Variants in VPS41 observed in about 807,000 individuals in gnomAD.
The protein encoded by VPS41 is VPS41 subunit of HOPS complex, also known as vacuolar protein sorting-associated protein 41 homolog.
VPS41 carries 85 observed loss-of-function variants against 130.9 expected under a neutral mutation model. The ratio of observed to expected loss-of-function variants is 0.65; its 90% CI spans 0.55 to 0.78. The LOEUF is 0.78. VPS41 is among the 30% of genes least tolerant of loss of function. The pLI, the probability that VPS41 is intolerant of heterozygous loss-of-function variation, is 0.00. For synonymous variants in VPS41, 335 were observed against 332.9 expected, an observed-to-expected ratio of 1.01 and a Z score of -0.07; for missense variants, 874 against 1,018.7, an observed-to-expected ratio of 0.86 and a Z score of 1.93.
intron 1 of VPS41, among the ~76,000 whole-genome samples, chr7:38,903,242 C>T (rs1471651573): frequency 1.3e-5 from 2 of 152,196 alleles, no homozygotes; most frequent in Admixed American, 6.5e-5. Flanking sequence ...CAGCCCCCAT[C>T]CCTAATCCTC....
At chr7:38,756,111 G>T (rs1783787118) in intron 19 of VPS41, among the ~76,000 whole-genome samples, 1 of 152,026 alleles carries the variant, frequency 6.6e-6, no homozygotes. Flanking sequence ...AGCCTTTAGG[G>T]TTCTACTTTT....
intron 7 of VPS41, among the ~76,000 whole-genome samples, chr7:38,799,171 C>G (rs1184708174): frequency 2.6e-5 from 4 of 152,118 alleles, no homozygotes. Flanking sequence ...TAAAAGAATA[C>G]AAATTATCCA....
chr7:38,893,579 AATAAACAGTACACTGC>A (rs1404851921), intron 2 of VPS41, among the ~76,000 whole-genome samples: 2 of 152,234 alleles, frequency 1.3e-5, no homozygotes, highest in African/African-American at 2.4e-5. Flanking sequence ...ATCAAGGTGA[AATAAACAGTACACTGC>A]ATATTTTTCA....
intron 4 of VPS41, among the ~76,000 whole-genome samples, chr7:38,842,906 G>C (rs1785638033): frequency 1.3e-5 from 2 of 152,252 alleles, no homozygotes. Flanking sequence ...TTAATTGTGA[G>C]CCCATGAGAG....
At chr7:38,868,095 T>C (rs6943746) in intron 3 of VPS41, among the ~76,000 whole-genome samples, 1 of 151,920 alleles carries the variant, frequency 6.6e-6, no homozygotes, top group Non-Finnish European at 1.5e-5. Flanking sequence ...GCTGACACCA[T>C]CCAAAGTGTG....
chr7:38,741,884 T>G, intron 25 of VPS41, 101 bp downstream of exon 25: 5 of 1,366,682 alleles, frequency 3.7e-6, no homozygotes, highest in Non-Finnish European at 5.0e-6. Context: ...AACCATAAAA[T>G]CGAAAGTTTT....
intron 25 of VPS41, among the ~76,000 whole-genome samples, chr7:38,730,305 C>T (rs1186598889): frequency 6.6e-6 from 1 of 152,158 alleles, no homozygotes; most frequent in Non-Finnish European, 1.5e-5. Context: ...CAACTGCAGC[C>T]CTCTATCCTC....
chr7:38,856,303 C>G (rs1048225979), intron 4 of VPS41, among the ~76,000 whole-genome samples: 1 of 152,008 alleles, frequency 6.6e-6, no homozygotes, highest in Non-Finnish European at 1.5e-5. Flanking sequence ...CCATGCCTGG[C>G]CCTCATCTAA....
intron 4 of VPS41, among the ~76,000 whole-genome samples, chr7:38,857,054 T>C (rs1296492375): frequency 6.6e-6 from 1 of 152,172 alleles, no homozygotes; most frequent in Non-Finnish European, 1.5e-5. Context: ...AATGGTTAGA[T>C]GGACAGAGGT....
chr7:38,893,235 G>A (rs1786905057), intron 2 of VPS41, among the ~76,000 whole-genome samples: 1 of 152,168 alleles, frequency 6.6e-6, no homozygotes, highest in Non-Finnish European at 1.5e-5. Flanking sequence ...CCTCATGGGT[G>A]GCTAAACATA....
rs758594090 is a variant in VPS41 at position 38,743,539 on chromosome 7, C to T, written c.1985G>A (p.Arg662Gln). 2.0e-5 allele frequency: 32 copies of T among 1,613,468 alleles called. No homozygotes were observed. The highest frequency in any genetic ancestry group is 1.5e-4 in the Admixed American group (9 of 59,984). ...FVEETVYLLS[R>Q]MGNSRSALKM... is the part of the protein sequence containing the mutation. ...CAGGGCACTTCGGCTATTACCCATT[C>T]GGCCTTGGTGGGGTGAAGATGGGAG... The change falls in exon 24 of 29, where the codon CGA (arginine) becomes CAA (glutamine). Residue 662 changes from arginine to glutamine, a missense_variant. By Grantham distance (43) the Arg-to-Gln change is conservative. Coordinates refer to ENST00000310301, the MANE Select transcript of VPS41 (RefSeq NM_014396.4).
intron 14 of VPS41, among the ~76,000 whole-genome samples, 188 bp downstream of exon 14, chr7:38,771,010 G>A (rs868506309): frequency 2.5e-4 from 38 of 152,212 alleles, no homozygotes; most frequent in African/African-American, 8.7e-4. Context: ...CTCCTAGCAG[G>A]TGTTCAAGTC....
chr7:38,781,878 T>C (rs1282216441), intron 10 of VPS41, among the ~76,000 whole-genome samples: 1 of 152,248 alleles, frequency 6.6e-6, no homozygotes, highest in Non-Finnish European at 1.5e-5. Flanking sequence ...AACTGGAAAT[T>C]ACAGTTGTAA....
At chr7:38,893,769 T>C (rs556193706) in intron 2 of VPS41, among the ~76,000 whole-genome samples, 8 of 152,364 alleles carry the variant, frequency 5.3e-5, no homozygotes, top group African/African-American at 1.9e-4. Context: ...GCAAAATATA[T>C]TAAAATTCTT....
At chr7:38,850,617 G>C (rs1785833724) in intron 4 of VPS41, among the ~76,000 whole-genome samples, 1 of 152,108 alleles carries the variant, frequency 6.6e-6, no homozygotes, top group East Asian at 1.9e-4. Context: ...AGGAAGACTG[G>C]TAAGTATTAA....
At position 38,797,219 on chromosome 7, in the gene VPS41, T is replaced by C. The variant is rs376522058; in HGVS notation, c.451-355A>G. 1.1e-4 allele frequency among the ~76,000 whole-genome samples: 17 copies of C among 152,336 alleles called. No individual in the cohort carries two copies. The South Asian group carries it at 3.1e-3, about 28-fold the overall frequency. On this transcript the variant is annotated intron_variant, in intron 7 of 28. Transcript: ENST00000310301. Reference sequence around the variant, plus strand: ...TCCGGGAACTAATTTATTTTGTAAATTGGGAAATCAAAACCTCTTTTAAGT... The same window carrying C: ...TCCGGGAACTAATTTATTTTGTAAACTGGGAAATCAAAACCTCTTTTAAGT...
At chr7:38,760,200 G>A (rs578045067) in intron 17 of VPS41, among the ~76,000 whole-genome samples, 1 of 152,254 alleles carries the variant, frequency 6.6e-6, no homozygotes, top group East Asian at 1.9e-4. Flanking sequence ...TTTACTTACT[G>A]ATCCTTGACA....
At chr7:38,774,524 C>T (rs545959760) in intron 11 of VPS41, among the ~76,000 whole-genome samples, 1 of 151,682 alleles carries the variant, frequency 6.6e-6, no homozygotes, top group African/African-American at 2.4e-5. Flanking sequence ...GGAGAAATTA[C>T]AAATTGCTAA....
chr7:38,726,593 A>G lies in VPS41; in HGVS notation c.2485-267T>C, dbSNP rs1795549377. On this transcript the variant is annotated intron_variant, in intron 28 of 28. Coordinates refer to ENST00000310301, the MANE Select transcript of VPS41 (RefSeq NM_014396.4). The stretch of plus-strand genomic sequence containing the variant: ...AAAAATGATAGCATCATGGAACACA[A>G]ATCAGGCTGAGAAACACATAAGATA... Among the ~76,000 whole-genome samples, 3 of 152,174 alleles carry G rather than the reference A, an allele frequency of 2.0e-5. No homozygotes were observed. In the South Asian group the frequency reaches 6.2e-4, roughly 32 times the overall value.
Sources: gnomAD v4.1 joint callset for allele counts (sites outside exome capture counted in the v4.1 genomes callset) on GRCh38, gnomAD v4.1.1 for gene constraint, MANE v1.5 for transcripts, NCBI Gene and HGNC (gene_info 2026-07-23, HGNC 2026-07-21) for gene names.